Variants in SEC23B observed in about 807,000 individuals in gnomAD.
The protein encoded by SEC23B is SEC23 homolog B, COPII component, also known as protein transport protein Sec23B.
Under a neutral mutation model 104.3 loss-of-function variants are expected in SEC23B, and 77 were observed. The observed-to-expected ratio is 0.74, with a 90% CI of 0.61 to 0.89. The LOEUF is 0.89. SEC23B is among the 40% of genes least tolerant of loss of function. The pLI, the probability that SEC23B is intolerant of heterozygous loss-of-function variation, is 0.00. For missense variants in SEC23B, 885 were observed against 949.4 expected, an observed-to-expected ratio of 0.93 and a Z score of 0.89; for synonymous variants, 338 against 332.5, an observed-to-expected ratio of 1.02 and a Z score of -0.18.
At chr20:18,536,367 G>A (rs1036133647) in intron 12 of SEC23B, among the ~76,000 whole-genome samples, 8 of 152,212 alleles carry the variant, frequency 5.3e-5, no homozygotes, top group African/African-American at 1.4e-4. Flanking sequence ...CCCTTGAGTA[G>A]TGTTGGGGTG....
chr20:18,558,040 C>T (rs371593381), intron 19 of SEC23B, among the ~76,000 whole-genome samples: 6 of 152,266 alleles, frequency 3.9e-5, no homozygotes, highest in African/African-American at 7.2e-5. Flanking sequence ...CATGAGCCAC[C>T]GCGCCTGGCC....
At chr20:18,515,559 C>T (rs1280038737) in intron 3 of SEC23B, 91 bp from the exon 4 acceptor site, 13 of 768,792 alleles carry the variant, frequency 1.7e-5, no homozygotes, top group South Asian at 8.5e-5. Context: ...GTGTTCCTCT[C>T]GTCTTGGCAT....
chr20:18,551,453 C>T (rs2060386169), intron 17 of SEC23B, among the ~76,000 whole-genome samples: 1 of 152,054 alleles, frequency 6.6e-6, no homozygotes, highest in Non-Finnish European at 1.5e-5. Context: ...GTGGCTTATA[C>T]CTGTAATCCC....
rs182877402 is a variant in SEC23B, at chr20:18,531,792, G to A, written c.1234-872G>A. On this transcript the variant is annotated intron_variant, in intron 10 of 19. Coordinates refer to ENST00000650089, the MANE Select transcript of SEC23B (RefSeq NM_006363.6). ...AGGCCAGGCACGGTGGCTCATGTCT[G>A]TAATCCCAGCACTTTGGGAGGCCAA... 1.1e-3 allele frequency among the ~76,000 whole-genome samples: 164 copies of A among 151,924 alleles called. 1 individual carries two copies. Among genetic ancestry groups the A allele is most frequent in the Middle Eastern group, 3.4e-3 (1 of 294 alleles).
At chr20:18,537,800 C>T (rs2060250183) in intron 12 of SEC23B, among the ~76,000 whole-genome samples, 1 of 151,984 alleles carries the variant, frequency 6.6e-6, no homozygotes, top group African/African-American at 2.4e-5. Flanking sequence ...CTATATTGCT[C>T]AAAAATGTTA....
chr20:18,548,656 C>T lies in SEC23B; in HGVS notation c.1791C>T (p.Asn597=), dbSNP rs767618695. ...RRSPFLQVFN[N]SPDESSYYRH... The stretch of plus-strand genomic sequence containing the variant: ...CTCCATTTCTTCAAGTGTTTAACAA[C>T]AGTCCTGATGAGTCGTCATATTACA... The change falls in exon 16 of 20, where the codon AAC becomes AAT. Residue 597 remains asparagine, a synonymous_variant. Transcript: ENST00000650089. 6.2e-7 allele frequency: 1 copy of T among 1,614,046 alleles called. No homozygotes were observed. The highest frequency in any genetic ancestry group is 8.5e-7 in the Non-Finnish European group (1 of 1,179,908).
At position 18,518,582 on chromosome 20, in the gene SEC23B, G is replaced by GTTTTTTTTTTTT. The variant is rs57231166; in HGVS notation, c.366+2858_366+2869dup. Among the ~76,000 whole-genome samples, 25 of 92,662 alleles carry GTTTTTTTTTTTT rather than the reference G, an allele frequency of 2.7e-4. 1 individual carries two copies. The highest frequency in any genetic ancestry group is 4.6e-4 in the African/African-American group (11 of 23,698). 60.8% of individuals were successfully genotyped at this position (92,662 alleles called of 152,430 possible). A position where few individuals can be genotyped will look rare whatever the true frequency, so the allele number is the denominator to read the frequency against. On this transcript the variant is annotated intron_variant, in intron 4 of 19. Coordinates refer to ENST00000650089, the MANE Select transcript of SEC23B (RefSeq NM_006363.6). ...AATGGGCCTGTGAGGCTGGAAGGAG[G>GTTTTTTTTTTTT]TTTTTTTTTTTTTTTTTTTTTTTGT... is the stretch of plus-strand genomic sequence containing the variant.
Position 18,524,348 on chromosome 20 carries a change from C to A in SEC23B, c.367-85C>A, listed in dbSNP as rs182862578. On this transcript the variant is annotated intron_variant, in intron 4 of 19. Coordinates refer to ENST00000650089, the MANE Select transcript of SEC23B (RefSeq NM_006363.6). ...AAAACTAAATATAGATGAAGACTTA[C>A]AATTTTCATACCTAATTTGCCTTAA... The A allele has an allele frequency of 3.0e-4, 284 of 956,328 alleles. 1 individual carries two copies. The African/African-American group carries it at 3.6e-3, about 12-fold the overall frequency. 59.2% of individuals were successfully genotyped at this position (956,328 alleles called of 1,614,324 possible).
intron 17 of SEC23B, among the ~76,000 whole-genome samples, chr20:18,552,464 A>G (rs976280798): frequency 1.3e-5 from 2 of 152,162 alleles, no homozygotes; most frequent in Admixed American, 1.3e-4. Context: ...TGCAGATTCA[A>G]TCAACTGCAG....
chr20:18,553,115 CTTGT>C (rs1158486696), intron 17 of SEC23B, among the ~76,000 whole-genome samples: 2 of 152,232 alleles, frequency 1.3e-5, no homozygotes, highest in African/African-American at 4.8e-5. Flanking sequence ...TGTTCATTCA[CTTGT>C]TTATTGAGCA....
At chr20:18,526,815 C>T (rs2060138281) in intron 8 of SEC23B, among the ~76,000 whole-genome samples, 2 of 152,162 alleles carry the variant, frequency 1.3e-5, no homozygotes, top group South Asian at 4.1e-4. Flanking sequence ...CCCGGTGGCT[C>T]ACGGCTGTAA....
chr20:18,524,293 TAG>T (rs2060113475), intron 4 of SEC23B, 138 bp from the exon 5 acceptor site: 1 of 717,516 alleles, frequency 1.4e-6, no homozygotes, highest in Non-Finnish European at 2.5e-6. Context: ...TTTAATAAGT[TAG>T]AGCTTTGTAT....
At chr20:18,550,883 G>A (rs1437493051) in intron 16 of SEC23B, among the ~76,000 whole-genome samples, 1 of 152,106 alleles carries the variant, frequency 6.6e-6, no homozygotes, top group Non-Finnish European at 1.5e-5. Context: ...ATTATTTGGA[G>A]CCTATTTTTC....
At position 18,524,988 on chromosome 20, in the gene SEC23B, A is replaced by G; in HGVS notation, c.657A>G (p.Ala219=). Residue 219 remains alanine, a synonymous_variant, in exon 6 of 20, where the codon GCA becomes GCG. Coordinates refer to ENST00000650089, the MANE Select transcript of SEC23B (RefSeq NM_006363.6). ...TGCCCATGCAGCAAGCACGACCTGC[A>G]CAACCACAGGAGCACCCTTTTGCTT... ...PAMPMQQARP[A]QPQEHPFASS... is the part of the protein sequence containing the mutation. The G allele has an allele frequency of 6.2e-7, 1 of 1,614,024 alleles. No homozygotes were observed. Among genetic ancestry groups the G allele is most frequent in the South Asian group, 1.1e-5 (1 of 91,078 alleles).
chr20:18,541,688 G>A (rs531669631), intron 12 of SEC23B, among the ~76,000 whole-genome samples: 1 of 152,140 alleles, frequency 6.6e-6, no homozygotes, highest in Non-Finnish European at 1.5e-5. Flanking sequence ...GCAGTTTGTA[G>A]CACCCCAAAA....
rs781486591 is a variant in SEC23B, at chr20:18,526,472, A to G, written c.934A>G (p.Ile312Val). The G allele has an allele frequency of 8.7e-6, 14 of 1,614,190 alleles. No homozygotes were observed. The highest frequency in any genetic ancestry group is 4.5e-5 in the East Asian group (2 of 44,884). ...MVVGDELKIP[I>V]RSWHDIEKDN... ...GGTTGGAGATGAATTAAAGATTCCTATTCGTTCTTGGCATGATATTGAGAA... is the reference window on the plus strand; with the variant it reads ...GGTTGGAGATGAATTAAAGATTCCTGTTCGTTCTTGGCATGATATTGAGAA... Residue 312 changes from isoleucine (I) to valine (V), a missense_variant, in exon 8 of 20, where the codon ATT becomes GTT. By Grantham distance (29) the Ile-to-Val change is conservative. Transcript: ENST00000650089.
intron 10 of SEC23B, among the ~76,000 whole-genome samples, chr20:18,531,997 G>T (rs948021772): frequency 6.6e-6 from 1 of 152,256 alleles, no homozygotes; most frequent in South Asian, 2.1e-4. Context: ...GTTTGAGGCT[G>T]CAGTGAGCTA....
Position 18,554,238 on chromosome 20 carries a change from A to G in SEC23B, c.1996A>G (p.Ile666Val). 6.2e-7 allele frequency: 1 copy of G among 1,614,166 alleles called. No individual in the cohort carries two copies. The highest frequency in any genetic ancestry group is 8.5e-7 in the Non-Finnish European group (1 of 1,180,024). Residue 666 changes from isoleucine (I) to valine (V), a missense_variant, in exon 18 of 20, where the codon ATA (isoleucine) becomes GTA (valine). Ile to Val is a conservative substitution (Grantham distance 29). Transcript: ENST00000650089. ...TGGTTGGTTTGTTTCTGTGTAGACC[A>G]TAGCCCAGTGGCGTAAAGCTGGCTA... ...FQIVIYLGETIAQWRKAGYQD... is the reference protein window; with the variant it reads ...FQIVIYLGETVAQWRKAGYQD...
At chr20:18,539,970 C>T (rs1384874495) in intron 12 of SEC23B, among the ~76,000 whole-genome samples, 1 of 152,124 alleles carries the variant, frequency 6.6e-6, no homozygotes, top group Non-Finnish European at 1.5e-5. Context: ...TTCTAGTTAT[C>T]TTGCTCCTTC....
Sources: gnomAD v4.1 joint callset for allele counts (sites outside exome capture counted in the v4.1 genomes callset) on GRCh38, gnomAD v4.1.1 for gene constraint, MANE v1.5 for transcripts, NCBI Gene and HGNC (gene_info 2026-07-23, HGNC 2026-07-21) for gene names.